Variants in SPG11 observed in about 807,000 individuals in gnomAD.
SPG11 encodes the protein SPG11 vesicle trafficking associated, spatacsin.
Under a neutral mutation model 274.0 loss-of-function variants are expected in SPG11, and 222 were observed. That is an observed-to-expected ratio of 0.81 (90% CI 0.73 to 0.91). The LOEUF (loss-of-function observed/expected upper bound fraction) is 0.91. SPG11 is among the 40% of genes least tolerant of loss of function. The pLI, the probability that SPG11 is intolerant of heterozygous loss-of-function variation, is 0.00. For missense variants in SPG11, 3,114 were observed against 2,872.7 expected, an observed-to-expected ratio of 1.08 and a Z score of -1.92; for synonymous variants, 1,144 against 1,039.7, an observed-to-expected ratio of 1.10 and a Z score of -1.93.
At position 44,566,318 on chromosome 15, in the gene SPG11, T is replaced by C. The variant is rs762051999; in HGVS notation, c.6755-13A>G. ...TTGAGGCTGTCCTCTGTAGGGGAAA[T>C]AAAGAAGATTTGCCGAGTCTGACTC... On this transcript the variant is annotated splice_polypyrimidine_tract_variant and intron_variant, in intron 36 of 39. Coordinates refer to ENST00000261866, the MANE Select transcript of SPG11 (RefSeq NM_025137.4). The C allele has an allele frequency of 7.4e-6, 12 of 1,612,774 alleles. No homozygotes were observed. Among genetic ancestry groups the C allele is most frequent in the Non-Finnish European group, 1.0e-5 (12 of 1,179,428 alleles).
chr15:44,585,668 C>G lies in SPG11; in HGVS notation c.5089G>C (p.Glu1697Gln), dbSNP rs767950252. The change falls in exon 29 of 40, where the codon GAG becomes CAG. Residue 1697 changes from glutamate to glutamine, a missense_variant. Coordinates refer to ENST00000261866, the MANE Select transcript of SPG11 (RefSeq NM_025137.4). The stretch of plus-strand genomic sequence containing the variant: ...ATAACCAAGTTGTCCACAGGTAACT[C>G]AGCTAATTCTGCTACCCTCCTGGCC... Reference protein sequence around the residue: ...ALARRVAELAELPVDNLVIKE... With the variant: ...ALARRVAELAQLPVDNLVIKE... 1.2e-6 allele frequency: 2 copies of G among 1,608,736 alleles called. No homozygotes were observed. The highest frequency in any genetic ancestry group is 1.7e-6 in the Non-Finnish European group (2 of 1,176,828).
rs779843750 is a variant in SPG11 at position 44,583,981 on chromosome 15, T to G, written c.5699A>C (p.Tyr1900Ser). 6.2e-7 allele frequency: 1 copy of G among 1,614,164 alleles called. No homozygotes were observed. The highest frequency in any genetic ancestry group is 1.3e-5 in the African/African-American group (1 of 75,040). The change falls in exon 30 of 40, where the codon TAT becomes TCT. Residue 1900 changes from tyrosine to serine, a missense_variant. Physicochemically the swap from Tyr to Ser is moderately radical, Grantham distance 144 (BLOSUM62 -2). Transcript: ENST00000261866. The part of the protein sequence containing the change: ...CVHEASRVCR[Y>S]FHFYNPDVAL... ...GACATCTGGATTATAAAAATGAAAA[T>G]ACCGGCATACTCTACTTGCTTCATG...
rs1567178128 is a variant in SPG11, at chr15:44,633,542, AT to A, written c.1697del (p.Asp566ValfsTer12). ...FNPSSKSSVS[D>X]QFDHLSSHLY... is the part of the protein sequence containing the mutation. ...AATGGGATGACAAGTGATCAAACTG[AT>A]CAGATACAGAAGATTTTGAGGATGG... On this transcript the variant is annotated frameshift_variant, in exon 8 of 40. Coordinates refer to ENST00000261866, the MANE Select transcript of SPG11 (RefSeq NM_025137.4). LOFTEE classifies it high-confidence loss of function. 1 of 1,609,038 alleles carries A rather than the reference AT, an allele frequency of 6.2e-7. No homozygotes were observed. The highest frequency in any genetic ancestry group is 8.5e-7 in the Non-Finnish European group (1 of 1,175,824).
chr15:44,637,208 A>G (rs1268489914), intron 7 of SPG11, among the ~76,000 whole-genome samples: 1 of 152,226 alleles, frequency 6.6e-6, no homozygotes, highest in Non-Finnish European at 1.5e-5. Context: ...GAAATTATCC[A>G]CAATGTACCA....
In SPG11 at chr15:44,610,390, T is replaced by C. The variant is rs118040787; in HGVS notation, c.3291+450A>G. ...AAACTGAAGATGACATAAATTTCTTTTCTTTTTTTTGAGACGGAGTCCCGC... is the reference window on the plus strand; with the variant it reads ...AAACTGAAGATGACATAAATTTCTTCTCTTTTTTTTGAGACGGAGTCCCGC... On this transcript the variant is annotated intron_variant, in intron 18 of 39. Coordinates refer to ENST00000261866, the MANE Select transcript of SPG11 (RefSeq NM_025137.4). Among the ~76,000 whole-genome samples the C allele has an allele frequency of 6.8e-3, 1,029 of 152,142 alleles. 29 individuals are homozygous for C. The East Asian group carries it at 0.089, about 13-fold the overall frequency.
chr15:44,585,894 G>T, intron 28 of SPG11, 44 bp from the exon 29 acceptor site: 1 of 1,523,704 alleles, frequency 6.6e-7, no homozygotes, highest in Non-Finnish European at 9.1e-7. Flanking sequence ...TCAATAAAAT[G>T]CCACTACAGC....
intron 23 of SPG11, 95 bp downstream of exon 23, chr15:44,598,170 G>A (rs1311214325): frequency 1.3e-5 from 11 of 835,884 alleles, no homozygotes; most frequent in African/African-American, 3.3e-5. Flanking sequence ...GGGGGATTTA[G>A]TGAAAACACC....
At chr15:44,615,598 A>C in intron 15 of SPG11, 32 bp from the exon 16 acceptor site, 1 of 1,604,940 alleles carries the variant, frequency 6.2e-7, no homozygotes, top group Middle Eastern at 1.8e-4. Context: ...GTCAAGTTAA[A>C]AAGTTGCTAT....
At chr15:44,571,313 T>C (rs2082418164) in intron 33 of SPG11, among the ~76,000 whole-genome samples, 1 of 152,072 alleles carries the variant, frequency 6.6e-6, no homozygotes, top group South Asian at 2.1e-4. Flanking sequence ...CGTCCAGAAC[T>C]CTATCTTGAC....
intron 8 of SPG11, among the ~76,000 whole-genome samples, chr15:44,632,190 G>A (rs930835367): frequency 1.3e-5 from 2 of 152,076 alleles, no homozygotes; most frequent in Non-Finnish European, 2.9e-5. Context: ...GACTGTTTGG[G>A]ATTATTGGCT....
chr15:44,650,452 C>T (rs1376181860), intron 6 of SPG11, among the ~76,000 whole-genome samples: 1 of 151,878 alleles, frequency 6.6e-6, no homozygotes, highest in Non-Finnish European at 1.5e-5. Context: ...TCAGGCGTTT[C>T]AGACCAACCT....
chr15:44,605,146 C>G (rs1198369817), intron 20 of SPG11, among the ~76,000 whole-genome samples: 2 of 151,952 alleles, frequency 1.3e-5, no homozygotes, highest in Non-Finnish European at 2.9e-5. Context: ...GGAGTTGGAG[C>G]CATCACAAGA....
intron 24 of SPG11, 35 bp from the exon 25 acceptor site, chr15:44,596,390 A>C (rs1348799939): frequency 6.2e-7 from 1 of 1,612,214 alleles, no homozygotes; most frequent in Admixed American, 1.7e-5. Flanking sequence ...ACAGAAACCC[A>C]ACTTTCAGTT....
chr15:44,635,717 G>T (rs1348521763), intron 7 of SPG11, among the ~76,000 whole-genome samples: 1 of 149,800 alleles, frequency 6.7e-6, no homozygotes, highest in African/African-American at 2.5e-5. Context: ...AGGAGTTCAA[G>T]ACTAGCCTGA....
At chr15:44,606,427 G>A (rs1329453647) in intron 19 of SPG11, among the ~76,000 whole-genome samples, 1 of 152,100 alleles carries the variant, frequency 6.6e-6, no homozygotes, top group East Asian at 1.9e-4. Context: ...AAGCAAGAGG[G>A]CTAAAAGACT....
intron 30 of SPG11, among the ~76,000 whole-genome samples, chr15:44,575,505 T>C (rs889782403): frequency 1.3e-5 from 2 of 150,920 alleles, no homozygotes; most frequent in African/African-American, 4.9e-5. Flanking sequence ...TTTTTTTTTT[T>C]TTTTTTTGAG....
chr15:44,636,958 C>CAAA (rs1328250311), intron 7 of SPG11, among the ~76,000 whole-genome samples: 1 of 89,102 alleles, frequency 1.1e-5, no homozygotes, highest in East Asian at 3.2e-4. Context: ...AAAAAAAAAA[C>CAAA]AAAAAAAAAA....
At chr15:44,607,667 AAAGG>A (rs1219926427) in intron 19 of SPG11, among the ~76,000 whole-genome samples, 2 of 152,220 alleles carry the variant, frequency 1.3e-5, no homozygotes, top group African/African-American at 2.4e-5. Flanking sequence ...AGAAATGGGC[AAAGG>A]AAGGTGTTCT....
chr15:44,612,050 C>G (rs1468913546), intron 17 of SPG11, among the ~76,000 whole-genome samples: 5 of 152,182 alleles, frequency 3.3e-5, no homozygotes, highest in African/African-American at 1.2e-4. Context: ...ACCTCGTGAT[C>G]TGCCCGCCTT....
Sources: gnomAD v4.1 joint callset for allele counts (sites outside exome capture counted in the v4.1 genomes callset) on GRCh38, gnomAD v4.1.1 for gene constraint, MANE v1.5 for transcripts, NCBI Gene and HGNC (gene_info 2026-07-23, HGNC 2026-07-21) for gene names.